PDK1: variants seen among roughly 807,000 people sequenced by gnomAD.
PDK1 encodes the protein pyruvate dehydrogenase kinase 1.
PDK1 carries 39 observed loss-of-function variants against 54.2 expected under a neutral mutation model. The ratio of observed to expected loss-of-function variants is 0.72; its 90% CI spans 0.56 to 0.94. The LOEUF (loss-of-function observed/expected upper bound fraction) is 0.94, where lower values mean the gene tolerates loss of function less well. Ranked by LOEUF, PDK1 falls within the 40% of genes least tolerant of loss-of-function variation. PDK1 has a pLI of 0.00. For missense variants in PDK1, 552 were observed against 566.0 expected, an observed-to-expected ratio of 0.98 and a Z score of 0.25; for synonymous variants, 221 against 207.1, an observed-to-expected ratio of 1.07 and a Z score of -0.58.
In PDK1 at chr2:172,599,699, C is replaced by A. The variant is rs904102915; in HGVS notation, c.*3730C>A. 1 of 152,166 alleles carries A rather than the reference C, an allele frequency of 6.6e-6. No homozygotes were observed. The highest frequency in any genetic ancestry group is 6.5e-5 in the Admixed American group (1 of 15,276). 9.4% of individuals were successfully genotyped at this position (152,166 alleles called of 1,614,324 possible). The stretch of plus-strand genomic sequence containing the variant: ...TTCATAAACTACTGTACCTTCTGTT[C>A]TATTGACATGTTTGGAAAAAAGAAT... On this transcript the variant is annotated 3_prime_UTR_variant, in exon 11 of 11. Coordinates refer to ENST00000282077, the MANE Select transcript of PDK1 (RefSeq NM_002610.5).
Position 172,607,708 on chromosome 2 carries a change from C to G in PDK1, c.*11739C>G, listed in dbSNP as rs529943512. Reference sequence around the variant, plus strand: ...ACCCTGTATCTGGTTGTAGCAGAGTCGGTCCTAGGGGAACAGGCTCAGCAG... The same window carrying G: ...ACCCTGTATCTGGTTGTAGCAGAGTGGGTCCTAGGGGAACAGGCTCAGCAG... On this transcript the variant is annotated 3_prime_UTR_variant, in exon 11 of 11. Transcript: ENST00000282077. 19 of 152,338 alleles carry G rather than the reference C, an allele frequency of 1.2e-4. No individual in the cohort carries two copies. The highest frequency in any genetic ancestry group is 4.3e-4 in the African/African-American group (18 of 41,536). 9.4% of individuals were successfully genotyped at this position (152,338 alleles called of 1,614,324 possible).
intron 3 of PDK1, 102 bp from the exon 4 acceptor site, chr2:172,564,401 A>G: frequency 3.5e-6 from 3 of 857,266 alleles, no homozygotes; most frequent in Non-Finnish European, 5.6e-6. Flanking sequence ...TCCTTTTATT[A>G]AATTGGGGAT....
chr2:172,690,961 G>A, the PDK1 span, among the ~76,000 whole-genome samples: 2 of 149,994 alleles, frequency 1.3e-5, no homozygotes, highest in Non-Finnish European at 3.0e-5. Flanking sequence ...AAACCTGCAC[G>A]TTGTGCACAT....
chr2:172,562,385 G>A, intron 3 of PDK1, 94 bp downstream of exon 3: 3 of 773,478 alleles, frequency 3.9e-6, no homozygotes, highest in East Asian at 4.9e-5. Context: ...TTTAGAACAT[G>A]TGATATATGT....
chr2:172,720,240 C>A, the PDK1 span, among the ~76,000 whole-genome samples: 95,684 of 151,554 alleles, frequency 0.63, 30,421 homozygotes, highest in East Asian at 0.89. Context: ...TCAGCCTCCC[C>A]GATAGCTGGG....
the PDK1 span, chr2:172,675,015 G>A: frequency 6.6e-5 from 10 of 152,370 alleles, no homozygotes; most frequent in East Asian, 1.5e-3. Context: ...GATGATGTGT[G>A]ATAATGATCT....
chr2:172,598,551 C>T lies in PDK1; in HGVS notation c.*2582C>T, dbSNP rs1691001832. Reference sequence around the variant, plus strand: ...TATATTGAAGGACAGGAAGTGGACACGAAGTGATTTTTGTAACCTGAGCAG... The same window carrying T: ...TATATTGAAGGACAGGAAGTGGACATGAAGTGATTTTTGTAACCTGAGCAG... On this transcript the variant is annotated 3_prime_UTR_variant, in exon 11 of 11. Transcript: ENST00000282077. The T allele has an allele frequency of 1.3e-5, 2 of 152,144 alleles. No homozygotes were observed. The highest frequency in any genetic ancestry group is 2.1e-4 in the South Asian group (1 of 4,824). The allele number at this position is 152,144 out of a possible 1,614,324, so 9.4% of individuals were successfully genotyped here.
chr2:172,632,420 C>A, the PDK1 span, among the ~76,000 whole-genome samples: 1 of 152,214 alleles, frequency 6.6e-6, no homozygotes, highest in Admixed American at 6.5e-5. Flanking sequence ...TTAGATCTTC[C>A]TTCGTGAAAG....
In PDK1 at chr2:172,597,617, G is replaced by A. The variant is rs1690961137; in HGVS notation, c.*1648G>A. ...ATCATTCTCTTTCTCACTCAGTGTGGCCCAGAGTTGCTCAGAATTGGAGCA... is the reference window on the plus strand; with the variant it reads ...ATCATTCTCTTTCTCACTCAGTGTGACCCAGAGTTGCTCAGAATTGGAGCA... On this transcript the variant is annotated 3_prime_UTR_variant, in exon 11 of 11. Coordinates refer to ENST00000282077, the MANE Select transcript of PDK1 (RefSeq NM_002610.5). 6.6e-6 allele frequency: 1 copy of A among 152,142 alleles called. No individual in the cohort carries two copies. Among genetic ancestry groups the A allele is most frequent in the Admixed American group, 6.6e-5 (1 of 15,266 alleles). The allele number at this position is 152,142 out of a possible 1,614,324, so 9.4% of individuals were successfully genotyped here. A position where few individuals can be genotyped will look rare whatever the true frequency, so the allele number is the denominator to read the frequency against.
chr2:172,647,537 C>T, the PDK1 span, among the ~76,000 whole-genome samples: 13 of 151,858 alleles, frequency 8.6e-5, no homozygotes, highest in Non-Finnish European at 1.8e-4. Flanking sequence ...TCATTATAGC[C>T]CTCAGAAAAA....
At chr2:172,678,954 C>T in the PDK1 span, 5 of 152,244 alleles carry the variant, frequency 3.3e-5, no homozygotes, top group African/African-American at 1.2e-4. Flanking sequence ...TTTGTTTTTA[C>T]AAAATATAGC....
At chr2:172,624,936 C>T in the PDK1 span, among the ~76,000 whole-genome samples, 1 of 150,906 alleles carries the variant, frequency 6.6e-6, no homozygotes, top group East Asian at 1.9e-4. Context: ...TGCAGTGAGC[C>T]GAGATCGCAC....
chr2:172,575,692 C>G (rs906055065), intron 8 of PDK1, among the ~76,000 whole-genome samples: 1 of 151,818 alleles, frequency 6.6e-6, no homozygotes, highest in African/African-American at 2.4e-5. Context: ...CACGGTGGTG[C>G]GTGCCTGTAA....
At chr2:172,671,942 T>G in the PDK1 span, among the ~76,000 whole-genome samples, 1 of 152,202 alleles carries the variant, frequency 6.6e-6, no homozygotes, top group Admixed American at 6.5e-5. Flanking sequence ...ATTTATTTCA[T>G]GAGTGAACAA....
chr2:172,606,184 C>T lies in PDK1; in HGVS notation c.*10215C>T, dbSNP rs1323052186. The stretch of plus-strand genomic sequence containing the variant: ...ATACAGCTAATTTAACAACAAATGA[C>T]TGTCCTAATTCTGGAGACCTGGGAA... On this transcript the variant is annotated 3_prime_UTR_variant, in exon 11 of 11. Coordinates refer to ENST00000282077, the MANE Select transcript of PDK1 (RefSeq NM_002610.5). 1 of 152,182 alleles carries T rather than the reference C, an allele frequency of 6.6e-6. No individual in the cohort carries two copies. The highest frequency in any genetic ancestry group is 1.5e-5 in the Non-Finnish European group (1 of 68,064). 9.4% of individuals were successfully genotyped at this position (152,182 alleles called of 1,614,324 possible).
chr2:172,693,218 A>T, the PDK1 span, among the ~76,000 whole-genome samples: 3 of 152,248 alleles, frequency 2.0e-5, no homozygotes, highest in African/African-American at 7.2e-5. Flanking sequence ...CGTGAGTCAG[A>T]ATGTCCATAT....
chr2:172,556,078 C>T (rs1688298230), upstream of PDK1: 2 of 1,144,258 alleles, frequency 1.7e-6, no homozygotes, highest in African/African-American at 1.6e-5. Flanking sequence ...CCCGCCACGT[C>T]CCTCACGTAC....
At chr2:172,707,487 AT>A in the PDK1 span, among the ~76,000 whole-genome samples, 1 of 152,084 alleles carries the variant, frequency 6.6e-6, no homozygotes. Context: ...TTTGTTGGGC[AT>A]TTATTGTCTG....
intron 9 of PDK1, among the ~76,000 whole-genome samples, chr2:172,587,591 T>C (rs1690318723): frequency 6.6e-6 from 1 of 152,052 alleles, no homozygotes; most frequent in African/African-American, 2.4e-5. Flanking sequence ...AGCAGCAAGA[T>C]TTATTGTGAA....
Sources: gnomAD v4.1 joint callset for allele counts (sites outside exome capture counted in the v4.1 genomes callset) on GRCh38, gnomAD v4.1.1 for gene constraint, MANE v1.5 for transcripts, NCBI Gene and HGNC (gene_info 2026-07-23, HGNC 2026-07-21) for gene names.